Variants in SEC14L6 observed in about 807,000 individuals in gnomAD.
SEC14L6 encodes SEC14-like protein 6.
In SEC14L6, 40 loss-of-function variants were observed where a neutral mutation model predicts 54.1. That is an observed-to-expected ratio of 0.74 (90% CI 0.57 to 0.96). SEC14L6 has a LOEUF of 0.96. SEC14L6 is among the 40% of genes least tolerant of loss of function. The pLI is 0.00. For missense variants in SEC14L6, 471 were observed against 498.3 expected (o/e 0.95, Z 0.52); for synonymous variants, 171 against 198.4 (o/e 0.86, Z 1.16).
rs867313178 is a variant in SEC14L6 at position 30,533,208 on chromosome 22, C to G, written c.175-352G>C. On this transcript the variant is annotated intron_variant, in intron 3 of 11. Coordinates refer to ENST00000402034, the MANE Select transcript of SEC14L6 (RefSeq NM_001193336.4). ...GCCCTTAAGCAAAAACCTATACCCC[C>G]CTACAAGGCCTGCAGAGCCTGGCTG... 389 of 954,954 alleles carry G rather than the reference C, an allele frequency of 4.1e-4. 1 individual carries two copies. Among genetic ancestry groups the G allele is most frequent in the Middle Eastern group, 3.7e-3 (7 of 1,868 alleles). 59.2% of individuals were successfully genotyped at this position (954,954 alleles called of 1,614,324 possible).
At chr22:30,543,898 G>T (rs1270853080) in intron 1 of SEC14L6, 1 of 1,586,396 alleles carries the variant, frequency 6.3e-7, no homozygotes, top group African/African-American at 1.3e-5. Flanking sequence ...TGCTCCCCGG[G>T]CCGCGGAGCC....
At chr22:30,529,639 T>C (rs892293495) in intron 6 of SEC14L6, among the ~76,000 whole-genome samples, 1 of 152,202 alleles carries the variant, frequency 6.6e-6, no homozygotes, top group Non-Finnish European at 1.5e-5. Context: ...AGATGGGGTC[T>C]TGCTATATTG....
Position 30,542,468 on chromosome 22 carries a change from C to T in SEC14L6, c.55-3566G>A, listed in dbSNP as rs559048123. On this transcript the variant is annotated intron_variant, in intron 1 of 11. Coordinates refer to ENST00000402034, the MANE Select transcript of SEC14L6 (RefSeq NM_001193336.4). ...TGTAGCCAGCTCGCAGCGCTGACCT[C>T]AGAAAAACAAGTTTGCGCAAAGTGG... 5.4e-6 allele frequency: 3 copies of T among 554,672 alleles called. No individual in the cohort carries two copies. In the South Asian group the frequency reaches 8.8e-5, roughly 16 times the overall value. 34.4% of individuals were successfully genotyped at this position (554,672 alleles called of 1,614,324 possible).
intron 8 of SEC14L6, among the ~76,000 whole-genome samples, chr22:30,526,462 A>G (rs1231415207): frequency 2.6e-5 from 4 of 152,232 alleles, no homozygotes; most frequent in Non-Finnish European, 5.9e-5. Context: ...TGCAGGAACA[A>G]AGTAGACGAA....
intron 8 of SEC14L6, among the ~76,000 whole-genome samples, chr22:30,528,422 C>CCTTTTTTTTTTTTTT (rs773969166): frequency 1.0e-4 from 11 of 105,536 alleles, no homozygotes; most frequent in African/African-American, 4.4e-4. Flanking sequence ...CGCTCGGCCT[C>CCTTTTTTTTTTTTTT]TTTTTTTTTT....
rs1302835284 is a variant in SEC14L6 at position 30,523,541 on chromosome 22, A to C, written c.*1456T>G. The C allele has an allele frequency of 6.6e-6, 1 of 152,116 alleles. No homozygotes were observed. 9.4% of individuals were successfully genotyped at this position (152,116 alleles called of 1,614,324 possible). A position where few individuals can be genotyped will look rare whatever the true frequency, so the allele number is the denominator to read the frequency against. On this transcript the variant is annotated 3_prime_UTR_variant, in exon 12 of 12. Transcript: ENST00000402034. ...CCCAACTAATTTGTGTATGTTTCGTAGAGACGGGGTTTCGCCATGTTGTCC... is the reference window on the plus strand; with the variant it reads ...CCCAACTAATTTGTGTATGTTTCGTCGAGACGGGGTTTCGCCATGTTGTCC...
intron 2 of SEC14L6, among the ~76,000 whole-genome samples, chr22:30,535,442 A>T (rs892138042): frequency 6.6e-6 from 1 of 152,232 alleles, no homozygotes; most frequent in Non-Finnish European, 1.5e-5. Context: ...TCTGGGCATC[A>T]TAACAACCAT....
At chr22:30,544,901 TG>T (rs1455465267) in intron 1 of SEC14L6, among the ~76,000 whole-genome samples, 1 of 152,168 alleles carries the variant, frequency 6.6e-6, no homozygotes, top group Non-Finnish European at 1.5e-5. Context: ...TGTGGTGTTT[TG>T]TTTTGTTTTT....
chr22:30,533,109 C>G, intron 3 of SEC14L6: 1 of 985,368 alleles, frequency 1.0e-6, no homozygotes, highest in Non-Finnish European at 1.2e-6. Flanking sequence ...CCCCCTGCAT[C>G]CTTCCAGATG....
chr22:30,546,693 A>AGCAGC lies in SEC14L6; in HGVS notation c.-12_-11insGCTGC, dbSNP rs2085803229. On this transcript the variant is annotated 5_prime_UTR_variant, in exon 1 of 12. In the 5' UTR this introduces an upstream ATG that the reference lacks. Coordinates refer to ENST00000402034, the MANE Select transcript of SEC14L6 (RefSeq NM_001193336.4). The stretch of plus-strand genomic sequence containing the variant: ...CACTTGTCCACTCATGCTGCCCATG[A>AGCAGC]ATGGGTCCAGGCTCCACTCTGTGGC... The AGCAGC allele has an allele frequency of 6.5e-7, 1 of 1,550,238 alleles. No homozygotes were observed. The highest frequency in any genetic ancestry group is 1.4e-5 in the African/African-American group (1 of 73,034).
chr22:30,525,194 G>C (rs1936723680), intron 11 of SEC14L6, 85 bp from the exon 12 acceptor site: 8 of 1,285,116 alleles, frequency 6.2e-6, no homozygotes, highest in Non-Finnish European at 7.7e-6. Context: ...TGGGTACCCA[G>C]ACCAGGGAAC....
chr22:30,539,617 C>T (rs1475597021), intron 1 of SEC14L6, among the ~76,000 whole-genome samples: 3 of 152,158 alleles, frequency 2.0e-5, no homozygotes, highest in Non-Finnish European at 4.4e-5. Flanking sequence ...AGTGGCAGAG[C>T]CAGTTGCCTG....
At chr22:30,543,998 A>G in intron 1 of SEC14L6, 14 of 1,599,350 alleles carry the variant, frequency 8.8e-6, no homozygotes, top group Non-Finnish European at 1.2e-5. Flanking sequence ...GACATGGTGC[A>G]CCTCAACCGG....
At position 30,532,681 on chromosome 22, in the gene SEC14L6, GC is replaced by G; in HGVS notation, c.266del (p.Cys89SerfsTer62). The G allele has an allele frequency of 6.4e-7, 1 of 1,554,382 alleles. No homozygotes were observed. The highest frequency in any genetic ancestry group is 8.7e-7 in the Non-Finnish European group (1 of 1,148,988). On this transcript the variant is annotated frameshift_variant, in exon 5 of 12. Coordinates refer to ENST00000402034, the MANE Select transcript of SEC14L6 (RefSeq NM_001193336.4). LOFTEE classifies it high-confidence loss of function. ...CAGGGCTGCCCTCACCGTCGTGGCC[GC>G]ATATGCCGTTAGCGTTGTACAGCCT... ...VVRLYNANGI[C>X]GHDGEGSPVW...
intron 1 of SEC14L6, chr22:30,543,502 T>G: frequency 6.2e-7 from 1 of 1,612,880 alleles, no homozygotes; most frequent in Non-Finnish European, 8.5e-7. Flanking sequence ...CACCTACAAC[T>G]GGATGAGCTG....
At chr22:30,546,347 T>C (rs1448531021) in intron 1 of SEC14L6, among the ~76,000 whole-genome samples, 1 of 133,150 alleles carries the variant, frequency 7.5e-6, no homozygotes, top group Non-Finnish European at 1.5e-5. Flanking sequence ...TGTGCCGTTG[T>C]ACTCCAACCT....
intron 3 of SEC14L6, chr22:30,533,282 A>C: frequency 3.7e-6 from 1 of 270,594 alleles, no homozygotes; most frequent in Non-Finnish European, 5.7e-6. Flanking sequence ...TCTCTCTCCA[A>C]CACGATCTCC....
chr22:30,543,436 A>C, intron 1 of SEC14L6: 1 of 1,610,984 alleles, frequency 6.2e-7, no homozygotes, highest in Non-Finnish European at 8.5e-7. Flanking sequence ...CTGGTTGGAG[A>C]ACGGCAATGT....
intron 1 of SEC14L6, chr22:30,542,516 A>G: frequency 1.2e-6 from 1 of 843,244 alleles, no homozygotes; most frequent in Non-Finnish European, 1.7e-6. Flanking sequence ...GCCTCTGGGC[A>G]GCCCCGGCGG....
Sources: gnomAD v4.1 joint callset for allele counts (sites outside exome capture counted in the v4.1 genomes callset) on GRCh38, gnomAD v4.1.1 for gene constraint, MANE v1.5 for transcripts, NCBI Gene and HGNC (gene_info 2026-07-23, HGNC 2026-07-21) for gene names.